NAALADL2: variants seen among roughly 807,000 people sequenced by gnomAD.
NAALADL2 encodes the protein N-acetylated alpha-linked acidic dipeptidase like 2, also known as inactive N-acetylated-alpha-linked acidic dipeptidase-like protein 2.
Under a neutral mutation model 87.2 loss-of-function variants are expected in NAALADL2, and 76 were observed. That is an observed-to-expected ratio of 0.87 (90% CI 0.72 to 1.05). The LOEUF (loss-of-function observed/expected upper bound fraction) is 1.05. Among genes scored for constraint, NAALADL2 ranks in the 50% least tolerant of loss-of-function variants. The pLI, the probability that NAALADL2 is intolerant of heterozygous loss-of-function variation, is 0.00. For missense variants in NAALADL2, 1,089 were observed against 945.8 expected, an observed-to-expected ratio of 1.15 and a Z score of -1.99; for synonymous variants, 354 against 331.0, an observed-to-expected ratio of 1.07 and a Z score of -0.75.
chr3:175,780,830 C>A (rs1000204064), intron 13 of NAALADL2, among the ~76,000 whole-genome samples: 1 of 152,094 alleles, frequency 6.6e-6, no homozygotes, highest in Non-Finnish European at 1.5e-5. Context: ...AAATGTTCTG[C>A]GATAAATATA....
chr3:174,784,113 G>A (rs937273572), intron 3 of NAALADL2, among the ~76,000 whole-genome samples: 6 of 151,886 alleles, frequency 4.0e-5, no homozygotes, highest in Admixed American at 1.3e-4. Context: ...AAATCACTGC[G>A]CATCTAATCA....
At chr3:175,099,725 C>T (rs1560025635) in intron 2 of NAALADL2, among the ~76,000 whole-genome samples, 1 of 152,202 alleles carries the variant, frequency 6.6e-6, no homozygotes, top group African/African-American at 2.4e-5. Flanking sequence ...TGGACATGCT[C>T]TAAACCTATG....
At chr3:175,399,657 G>A (rs564842738) in intron 5 of NAALADL2, among the ~76,000 whole-genome samples, 8 of 152,198 alleles carry the variant, frequency 5.3e-5, no homozygotes, top group South Asian at 4.1e-4. Flanking sequence ...GTGGGTTTTG[G>A]CCGGCTACTT....
At chr3:175,432,143 C>T (rs771530881) in intron 5 of NAALADL2, among the ~76,000 whole-genome samples, 112 of 152,012 alleles carry the variant, frequency 7.4e-4, no homozygotes, top group Non-Finnish European at 1.5e-3. Context: ...CTTAGCATTA[C>T]ATTATTTCTG....
chr3:174,814,111 A>T (rs1579042297), intron 3 of NAALADL2, among the ~76,000 whole-genome samples: 1 of 126,540 alleles, frequency 7.9e-6, no homozygotes, highest in South Asian at 2.6e-4. Context: ...ATTTATTTTT[A>T]TTTATTTATT....
At chr3:174,765,109 G>A (rs1008492289) in intron 3 of NAALADL2, among the ~76,000 whole-genome samples, 2 of 143,196 alleles carry the variant, frequency 1.4e-5, no homozygotes, top group African/African-American at 5.1e-5. Flanking sequence ...AATACACACA[G>A]AAATACACAC....
chr3:174,698,321 C>G (rs1010032981), intron 2 of NAALADL2, among the ~76,000 whole-genome samples: 2 of 151,804 alleles, frequency 1.3e-5, no homozygotes, highest in African/African-American at 4.8e-5. Context: ...TTATCTGATG[C>G]TGTTTTAATT....
chr3:175,668,473 G>A lies in NAALADL2; in HGVS notation c.1896+41087G>A, dbSNP rs140650611. Among the ~76,000 whole-genome samples the A allele has an allele frequency of 3.0e-4, 46 of 152,110 alleles. 1 individual carries two copies. Among genetic ancestry groups the A allele is most frequent in the African/African-American group, 1.0e-3 (42 of 41,494 alleles). On this transcript the variant is annotated intron_variant, in intron 11 of 13. Coordinates refer to ENST00000454872, the MANE Select transcript of NAALADL2 (RefSeq NM_207015.3). ...AAAATGAGACTGTCTAAAAACTGAA[G>A]CTACACTACACACGAATGAGTTTGG...
intron 5 of NAALADL2, among the ~76,000 whole-genome samples, chr3:175,345,815 G>C (rs16825488): frequency 1.3e-5 from 2 of 152,138 alleles, no homozygotes; most frequent in South Asian, 2.1e-4. Context: ...GGAAATTGCT[G>C]TTGAGGCTTG....
intron 9 of NAALADL2, among the ~76,000 whole-genome samples, chr3:175,518,656 C>G (rs1477567444): frequency 2.0e-5 from 3 of 152,138 alleles, no homozygotes; most frequent in Admixed American, 2.0e-4. Context: ...GGGTCAAACA[C>G]GCTAGTTCAG....
chr3:175,609,260 A>C (rs1250962438), intron 10 of NAALADL2, among the ~76,000 whole-genome samples: 2 of 152,192 alleles, frequency 1.3e-5, no homozygotes, highest in Non-Finnish European at 2.9e-5. Flanking sequence ...AGCAATGAGA[A>C]GTGTACAAAG....
At chr3:174,451,821 TGTA>T (rs1285018616) in intron 1 of NAALADL2, among the ~76,000 whole-genome samples, 1 of 150,700 alleles carries the variant, frequency 6.6e-6, no homozygotes, top group African/African-American at 2.4e-5. Context: ...TGTTAATTAA[TGTA>T]GTGCTAAGGA....
chr3:175,652,239 C>T (rs1035483228), intron 11 of NAALADL2, among the ~76,000 whole-genome samples: 2 of 152,134 alleles, frequency 1.3e-5, no homozygotes, highest in Admixed American at 6.5e-5. Flanking sequence ...CAGACATCAA[C>T]ATGGACTTTA....
intron 9 of NAALADL2, among the ~76,000 whole-genome samples, chr3:175,509,191 A>G (rs946076727): frequency 1.3e-5 from 2 of 152,058 alleles, no homozygotes; most frequent in African/African-American, 4.8e-5. Context: ...GCATGTTCCT[A>G]TACTGTAATA....
At chr3:175,499,241 A>T (rs61130133) in intron 9 of NAALADL2, among the ~76,000 whole-genome samples, 4,856 of 152,130 alleles carry the variant, frequency 0.032, 277 homozygotes, top group African/African-American at 0.11. Context: ...TCTAATTTCC[A>T]ATTTGTTTTA....
chr3:175,432,265 C>T (rs1251515268), intron 5 of NAALADL2, among the ~76,000 whole-genome samples: 1 of 151,940 alleles, frequency 6.6e-6, no homozygotes, highest in Admixed American at 6.6e-5. Context: ...AAGTATCAAG[C>T]TCTGCACCTG....
chr3:175,117,018 T>C (rs1003369254), intron 2 of NAALADL2, among the ~76,000 whole-genome samples: 17 of 152,090 alleles, frequency 1.1e-4, no homozygotes, highest in African/African-American at 4.1e-4. Flanking sequence ...GGGAAAGGAT[T>C]CCCTATTTAA....
At chr3:175,044,886 C>T (rs1754487752) in intron 1 of NAALADL2, among the ~76,000 whole-genome samples, 1 of 150,520 alleles carries the variant, frequency 6.6e-6, no homozygotes, top group African/African-American at 2.4e-5. Context: ...GGAGTCTCTC[C>T]TTGATTAATT....
intron 3 of NAALADL2, among the ~76,000 whole-genome samples, chr3:174,808,168 A>G (rs1462807514): frequency 6.6e-6 from 1 of 152,146 alleles, no homozygotes; most frequent in Non-Finnish European, 1.5e-5. Flanking sequence ...ACATACAGGT[A>G]TCATTTGCCA....
Sources: gnomAD v4.1 joint callset for allele counts (sites outside exome capture counted in the v4.1 genomes callset) on GRCh38, gnomAD v4.1.1 for gene constraint, MANE v1.5 for transcripts, NCBI Gene and HGNC (gene_info 2026-07-23, HGNC 2026-07-21) for gene names.